Variants in COL21A1 observed in about 807,000 individuals in gnomAD.
COL21A1 encodes the protein collagen type XXI alpha 1 chain.
Under a neutral mutation model 137.9 loss-of-function variants are expected in COL21A1, and 149 were observed. The observed-to-expected ratio is 1.08, with a 90% confidence interval of 0.95 to 1.24. The LOEUF (loss-of-function observed/expected upper bound fraction) is 1.24. Ranked by LOEUF, COL21A1 falls within the 50% of genes most tolerant of loss-of-function variation. The pLI, the probability that COL21A1 is intolerant of heterozygous loss-of-function variation, is 0.00. For missense variants in COL21A1, 1,167 were observed against 1,158.4 expected (o/e 1.01, Z -0.11); for synonymous variants, 456 against 391.5 (o/e 1.16, Z -1.95).
At chr6:56,364,115 GGA>G (rs146612419) in intron 1 of COL21A1, among the ~76,000 whole-genome samples, 2,580 of 152,194 alleles carry the variant, frequency 0.017, 65 homozygotes, top group African/African-American at 0.059. Context: ...CATCTTTGAC[GGA>G]GTGTGTGCCT....
intron 12 of COL21A1, chr6:56,126,460 T>A (rs1343094104): frequency 7.8e-6 from 2 of 256,418 alleles, no homozygotes; most frequent in Non-Finnish European, 1.5e-5. Context: ...ATGAATTAAT[T>A]GAAATGATCT....
intron 1 of COL21A1, among the ~76,000 whole-genome samples, chr6:56,346,401 T>C (rs932573641): frequency 2.6e-5 from 4 of 152,244 alleles, no homozygotes; most frequent in Non-Finnish European, 5.9e-5. Flanking sequence ...ACTCACGTTG[T>C]TGCAGGTATA....
At chr6:56,242,974 A>G (rs941720438) in intron 1 of COL21A1, among the ~76,000 whole-genome samples, 2 of 152,160 alleles carry the variant, frequency 1.3e-5, no homozygotes, top group Non-Finnish European at 2.9e-5. Context: ...TGAAAAGTGT[A>G]CTAAGTAGGA....
chr6:56,207,087 G>A lies in COL21A1; in HGVS notation c.-38-24431C>T, dbSNP rs192770891. On this transcript the variant is annotated intron_variant, in intron 1 of 29. Coordinates refer to ENST00000244728, the MANE Select transcript of COL21A1 (RefSeq NM_030820.4). ...CACTAAATGCCCACAAGAGGAAGCA[G>A]AAAAGATCTAAAATTGACACCCTAA... Among the ~76,000 whole-genome samples the A allele has an allele frequency of 5.1e-4, 78 of 152,104 alleles. 1 individual carries two copies. The East Asian group carries it at 0.011, about 22-fold the overall frequency.
chr6:56,108,282 A>G (rs1335575855), intron 16 of COL21A1, among the ~76,000 whole-genome samples: 2 of 151,950 alleles, frequency 1.3e-5, no homozygotes, highest in African/African-American at 4.8e-5. Context: ...ATGGGTGAAA[A>G]TAGACTTAAT....
intron 12 of COL21A1, among the ~76,000 whole-genome samples, chr6:56,129,247 T>A (rs1011320465): frequency 2.6e-5 from 4 of 152,096 alleles, no homozygotes; most frequent in Non-Finnish European, 5.9e-5. Flanking sequence ...TACATATAAG[T>A]GTGTGTGTGT....
intron 1 of COL21A1, among the ~76,000 whole-genome samples, chr6:56,227,235 T>G (rs573325314): frequency 2.4e-4 from 37 of 151,936 alleles, no homozygotes; most frequent in Non-Finnish European, 5.0e-4. Context: ...GAAACAAAAA[T>G]GAATGTGCTG....
At chr6:56,271,159 C>T (rs556308587) in intron 1 of COL21A1, among the ~76,000 whole-genome samples, 1 of 152,270 alleles carries the variant, frequency 6.6e-6, no homozygotes, top group African/African-American at 2.4e-5. Flanking sequence ...GACCAAAATG[C>T]TGATAGTGAC....
At chr6:56,134,779 A>C (rs1002482128) in intron 12 of COL21A1, among the ~76,000 whole-genome samples, 1 of 152,144 alleles carries the variant, frequency 6.6e-6, no homozygotes, top group Non-Finnish European at 1.5e-5. Context: ...TTCCCTGCAC[A>C]AGCTCTTTCT....
chr6:56,182,969 T>G (rs1366090493), intron 1 of COL21A1, among the ~76,000 whole-genome samples: 1 of 152,228 alleles, frequency 6.6e-6, no homozygotes, highest in Non-Finnish European at 1.5e-5. Flanking sequence ...GAACCTTATC[T>G]CATTCTTTTT....
chr6:56,234,363 A>T (rs1341446789), intron 1 of COL21A1, among the ~76,000 whole-genome samples: 1 of 151,872 alleles, frequency 6.6e-6, no homozygotes, highest in Non-Finnish European at 1.5e-5. Context: ...AAGCAAAAGT[A>T]TTAAACAGGA....
chr6:56,243,550 T>G (rs1407370970), intron 1 of COL21A1, among the ~76,000 whole-genome samples: 1 of 152,186 alleles, frequency 6.6e-6, no homozygotes, highest in African/African-American at 2.4e-5. Context: ...GAGCTTCAGC[T>G]TAAAGCATTC....
In COL21A1 at chr6:56,166,892, TC is replaced by T; in HGVS notation, c.1278+13del. 1 of 1,604,488 alleles carries T rather than the reference TC, an allele frequency of 6.2e-7. No individual in the cohort carries two copies. Among genetic ancestry groups the T allele is most frequent in the African/African-American group, 1.3e-5 (1 of 74,914 alleles). ...AAAGCAACATCTGGGAAAAAAACAA[TC>T]CCTCCTACTTACAAATCCAGGAATC... On this transcript the variant is annotated intron_variant, in intron 7 of 29. Transcript: ENST00000244728.
chr6:56,251,687 G>T (rs1016155550), upstream of COL21A1, among the ~76,000 whole-genome samples: 1 of 152,196 alleles, frequency 6.6e-6, no homozygotes, highest in Non-Finnish European at 1.5e-5. Flanking sequence ...GAAATGTCTA[G>T]TCTAGTGAAT....
At chr6:56,097,856 A>C (rs368632315) in intron 17 of COL21A1, among the ~76,000 whole-genome samples, 3 of 90,224 alleles carry the variant, frequency 3.3e-5, no homozygotes, top group African/African-American at 1.4e-4. Context: ...AATATATATA[A>C]ATATATAAAA....
At chr6:56,212,645 A>T (rs1780240655) in intron 1 of COL21A1, among the ~76,000 whole-genome samples, 1 of 152,068 alleles carries the variant, frequency 6.6e-6, no homozygotes, top group African/African-American at 2.4e-5. Context: ...TATAGCTTGG[A>T]GTCAGCAAAG....
At chr6:56,144,892 G>A (rs998942385) in intron 10 of COL21A1, among the ~76,000 whole-genome samples, 1 of 152,210 alleles carries the variant, frequency 6.6e-6, no homozygotes, top group Non-Finnish European at 1.5e-5. Context: ...ACTTTGCCTA[G>A]CAAAGACTTA....
At chr6:56,085,374 CTTG>C (rs1470079641) in intron 17 of COL21A1, among the ~76,000 whole-genome samples, 2 of 151,740 alleles carry the variant, frequency 1.3e-5, no homozygotes, top group African/African-American at 2.4e-5. Flanking sequence ...TAGATTTGTT[CTTG>C]TTATTTTTGT....
intron 14 of COL21A1, 75 bp downstream of exon 14, chr6:56,125,492 A>G: frequency 2.0e-6 from 2 of 1,003,726 alleles, no homozygotes; most frequent in South Asian, 3.0e-5. Context: ...CTGGGTTAGA[A>G]CTGCAATTCT....
Sources: allele counts gnomAD v4.1 joint callset (sites outside exome capture counted in the v4.1 genomes callset), GRCh38; gene constraint gnomAD v4.1.1; transcripts MANE v1.5; gene names NCBI Gene and HGNC (gene_info 2026-07-23, HGNC 2026-07-21).